Variants in PIEZO1 observed in about 807,000 individuals in gnomAD.
PIEZO1 encodes piezo type mechanosensitive ion channel component 1 (Er blood group).
PIEZO1 carries 296 observed loss-of-function variants against 297.2 expected under a neutral mutation model. The observed-to-expected ratio is 1.00, with a 90% CI of 0.91 to 1.10. The LOEUF is 1.10. Ranked by LOEUF, PIEZO1 falls within the 50% of genes least tolerant of loss-of-function variation. The pLI, the probability that PIEZO1 is intolerant of heterozygous loss-of-function variation, is 0.00. For missense variants in PIEZO1, 5,018 were observed against 3,455.5 expected, an observed-to-expected ratio of 1.45 and a Z score of -11.34; for synonymous variants, 2,427 against 1,507.5, an observed-to-expected ratio of 1.61 and a Z score of -14.13.
In PIEZO1 at chr16:88,720,102, C is replaced by T; in HGVS notation, c.6131G>A (p.Trp2044Ter). ...GACGGCGGGCAGGATGAAGAACATC[C>T]ATAGGTGGATGGCCAGCACCAGCGC... ...QVALVLAIHL[W>*]MFFILPAVTE... Residue 2044 changes from tryptophan to a stop codon, truncating the protein, a stop_gained, in exon 42 of 51, where the codon TGG becomes TAG. Transcript: ENST00000301015. LOFTEE classifies it high-confidence loss of function. 1 of 1,550,370 alleles carries T rather than the reference C, an allele frequency of 6.5e-7. No individual in the cohort carries two copies. Among genetic ancestry groups the T allele is most frequent in the South Asian group, 1.2e-5 (1 of 84,060 alleles).
intron 22 of PIEZO1, among the ~76,000 whole-genome samples, chr16:88,729,769 G>C (rs543078875): frequency 7.0e-6 from 1 of 143,324 alleles, no homozygotes; most frequent in Admixed American, 7.0e-5. Flanking sequence ...CTCGATGCTG[G>C]GGAACCCAGG....
At position 88,748,479 on chromosome 16, in the gene PIEZO1, G is replaced by T. The variant is rs563880619; in HGVS notation, c.160+905C>A. Among the ~76,000 whole-genome samples the T allele has an allele frequency of 5.4e-5, 6 of 111,046 alleles. No homozygotes were observed. In the Admixed American group the frequency reaches 5.8e-4, roughly 11 times the overall value. 72.9% of individuals were successfully genotyped at this position (111,046 alleles called of 152,430 possible). A position where few individuals can be genotyped will look rare whatever the true frequency, so the allele number is the denominator to read the frequency against. The stretch of plus-strand genomic sequence containing the variant: ...AGACCCCAAGGTGGTTCCCAAGGGG[G>T]GTCTCAGCTCCCCCCCCCCCCCGCA... On this transcript the variant is annotated intron_variant, in intron 2 of 50. Coordinates refer to ENST00000301015, the MANE Select transcript of PIEZO1 (RefSeq NM_001142864.4).
At chr16:88,720,941 G>A (rs1912393553) in intron 39 of PIEZO1, among the ~76,000 whole-genome samples, 193 bp from the exon 40 acceptor site, 1 of 152,194 alleles carries the variant, frequency 6.6e-6, no homozygotes, top group Non-Finnish European at 1.5e-5. Context: ...TGAGGGGCCA[G>A]CCCAGGCCAA....
intron 1 of PIEZO1, among the ~76,000 whole-genome samples, chr16:88,778,416 C>T (rs1009956853): frequency 1.3e-5 from 2 of 152,226 alleles, no homozygotes; most frequent in African/African-American, 2.4e-5. Flanking sequence ...GCCTGGTAAA[C>T]AGCCGGCAGC....
intron 1 of PIEZO1, among the ~76,000 whole-genome samples, chr16:88,770,653 A>G (rs1896860490): frequency 2.0e-5 from 3 of 152,146 alleles, no homozygotes; most frequent in Admixed American, 2.0e-4. Flanking sequence ...CCAGCTGCCG[A>G]GCACGTCCAC....
Position 88,726,696 on chromosome 16 carries a change from G to C in PIEZO1, c.3699+19C>G, listed in dbSNP as rs759996825. 3.4e-5 allele frequency: 53 copies of C among 1,544,898 alleles called. No individual in the cohort carries two copies. Among genetic ancestry groups the C allele is most frequent in the Admixed American group, 1.4e-4 (7 of 50,940 alleles). On this transcript the variant is annotated intron_variant, in intron 25 of 50. Transcript: ENST00000301015. ...AGCGGGGCCCCAGGGCGGTGGGTGC[G>C]GGGGGGCCGGAGGCTCACCGACAGC...
intron 46 of PIEZO1, 26 bp downstream of exon 46, chr16:88,716,780 G>T: frequency 6.5e-7 from 1 of 1,549,424 alleles, no homozygotes; most frequent in Non-Finnish European, 8.7e-7. Flanking sequence ...CCCCACACCA[G>T]CTTTCACAGG....
intron 1 of PIEZO1, among the ~76,000 whole-genome samples, chr16:88,761,471 AG>A (rs1157665186): frequency 1.3e-5 from 2 of 152,184 alleles, no homozygotes; most frequent in African/African-American, 4.8e-5. Context: ...AGGCAGAAGC[AG>A]TCTGGTCCCA....
chr16:88,764,631 A>G lies in PIEZO1; in HGVS notation c.65-15152T>C, dbSNP rs1295386708. Reference sequence around the variant, plus strand: ...CCGGGCATGGTGGCACGTACCTGTAATCCCAGCTACTCGGGAGGCTGAGGC... The same window carrying G: ...CCGGGCATGGTGGCACGTACCTGTAGTCCCAGCTACTCGGGAGGCTGAGGC... On this transcript the variant is annotated intron_variant, in intron 1 of 50. Transcript: ENST00000301015. 2.0e-5 allele frequency among the ~76,000 whole-genome samples: 3 copies of G among 151,734 alleles called. 1 individual carries two copies. The South Asian group carries it at 6.2e-4, about 32-fold the overall frequency.
Position 88,732,478 on chromosome 16 carries a change from C to G in PIEZO1, c.2848G>C (p.Glu950Gln). ...AGCTGGTGCTGCCGGCGGTAGTGCT[C>G]CTGGCGCCGGTACACGATGGCCTCG... ...VFEAIVYRRQ[E>Q]HYRRQHQLAP... Residue 950 changes from glutamate to glutamine, a missense_variant, in exon 21 of 51, where the codon GAG becomes CAG. Transcript: ENST00000301015. 1.9e-6 allele frequency: 3 copies of G among 1,549,230 alleles called. No individual in the cohort carries two copies. Among genetic ancestry groups the G allele is most frequent in the Non-Finnish European group, 2.6e-6 (3 of 1,146,222 alleles).
chr16:88,733,544 C>T (rs1195272210), intron 18 of PIEZO1, 44 bp downstream of exon 18: 19 of 1,526,682 alleles, frequency 1.2e-5, no homozygotes, highest in Middle Eastern at 1.7e-4. Flanking sequence ...CAGGCCAGAG[C>T]GACCCCACCC....
chr16:88,767,144 G>A (rs151094066), intron 1 of PIEZO1, among the ~76,000 whole-genome samples: 3 of 152,240 alleles, frequency 2.0e-5, no homozygotes, highest in Admixed American at 1.3e-4. Flanking sequence ...GCTGCAGTGC[G>A]CTCTTCACTC....
chr16:88,721,632 G>C lies in PIEZO1; in HGVS notation c.5309C>G (p.Pro1770Arg). Residue 1770 changes from proline to arginine, a missense_variant, in exon 38 of 51, where the codon CCG (proline) becomes CGG (arginine). Coordinates refer to ENST00000301015, the MANE Select transcript of PIEZO1 (RefSeq NM_001142864.4). ...CTTCTCCAGGCCCAGGATGCGGGGC[G>C]GGAAGTAGGGCTTGTTCTCGTAGCG... is the stretch of plus-strand genomic sequence containing the variant. ...LRRYENKPYF[P>R]PRILGLEKTD... The C allele has an allele frequency of 1.3e-6, 2 of 1,550,174 alleles. No individual in the cohort carries two copies. Among genetic ancestry groups the C allele is most frequent in the Non-Finnish European group, 1.7e-6 (2 of 1,146,818 alleles).
At chr16:88,749,120 G>T (rs904216815) in intron 2 of PIEZO1, among the ~76,000 whole-genome samples, 48 of 150,986 alleles carry the variant, frequency 3.2e-4, no homozygotes, top group African/African-American at 9.7e-4. Flanking sequence ...GGCGCCTGTA[G>T]TCCCAGCTAC....
Position 88,715,777 on chromosome 16 carries a change from G to A in PIEZO1, c.7394C>T (p.Ser2465Phe), listed in dbSNP as rs975061667. The A allele has an allele frequency of 6.4e-7, 1 of 1,550,390 alleles. No individual in the cohort carries two copies. Among genetic ancestry groups the A allele is most frequent in the African/African-American group, 1.4e-5 (1 of 73,188 alleles). ...GCACGGCAGCTCCTCGAACATAATG[G>A]AGTGCGAGATCTCGCTGAAGAATCC... Reference protein sequence around the residue: ...VRGFFSEISHSIMFEELPCVD... With the variant: ...VRGFFSEISHFIMFEELPCVD... The change falls in exon 51 of 51, where the codon TCC (serine) becomes TTC (phenylalanine). Residue 2465 changes from serine (S) to phenylalanine (F), a missense_variant. Ser to Phe is a radical substitution (Grantham distance 155). Coordinates refer to ENST00000301015, the MANE Select transcript of PIEZO1 (RefSeq NM_001142864.4).
intron 22 of PIEZO1, among the ~76,000 whole-genome samples, chr16:88,729,864 G>A (rs1326220008): frequency 6.6e-6 from 1 of 151,190 alleles, no homozygotes; most frequent in Non-Finnish European, 1.5e-5. Context: ...GGGAACCCAG[G>A]ACATGCTGAA....
intron 15 of PIEZO1, 44 bp downstream of exon 15, chr16:88,734,606 C>G: frequency 6.5e-7 from 1 of 1,549,004 alleles, no homozygotes; most frequent in African/African-American, 1.4e-5. Flanking sequence ...GGGAAGTGCA[C>G]GGGGTTTCGG....
At chr16:88,717,962 A>C in intron 44 of PIEZO1, 1 of 350,062 alleles carries the variant, frequency 2.9e-6, no homozygotes, top group Non-Finnish European at 5.5e-6. Context: ...GCACACCTGT[A>C]GTCCCAGCTA....
rs531115625 is a variant in PIEZO1 at position 88,778,797 on chromosome 16, G to A, written c.64+6104C>T. Among the ~76,000 whole-genome samples, 5 of 152,268 alleles carry A rather than the reference G, an allele frequency of 3.3e-5. No homozygotes were observed. In the East Asian group the frequency reaches 5.8e-4, roughly 18 times the overall value. Reference sequence around the variant, plus strand: ...CCCCACACAGAAGGGCGAGAGGCTCGTGTGCCATCCCACACACTGGGAGCC... The same window carrying A: ...CCCCACACAGAAGGGCGAGAGGCTCATGTGCCATCCCACACACTGGGAGCC... On this transcript the variant is annotated intron_variant, in intron 1 of 50. Transcript: ENST00000301015.
Sources: gnomAD v4.1 joint callset for allele counts (sites outside exome capture counted in the v4.1 genomes callset) on GRCh38, gnomAD v4.1.1 for gene constraint, MANE v1.5 for transcripts, NCBI Gene and HGNC (gene_info 2026-07-23, HGNC 2026-07-21) for gene names.